Variants in TMEM163 observed in about 807,000 individuals in gnomAD.
TMEM163 encodes the protein transmembrane protein 163.
Under a neutral mutation model 29.3 loss-of-function variants are expected in TMEM163, and 17 were observed. That is an observed-to-expected ratio of 0.58 (90% CI 0.40 to 0.87). The LOEUF is 0.87. TMEM163 is among the 40% of genes least tolerant of loss of function. The probability of loss-of-function intolerance (pLI) is 0.00; values close to 1 mark genes in which losing one functional copy is unlikely to be tolerated. For missense variants in TMEM163, 303 were observed against 381.5 expected (o/e 0.79, Z 1.71); for synonymous variants, 157 against 160.6 (o/e 0.98, Z 0.17).
At chr2:134,470,454 T>A (rs927721533) in intron 5 of TMEM163, among the ~76,000 whole-genome samples, 1 of 152,174 alleles carries the variant, frequency 6.6e-6, no homozygotes, top group Non-Finnish European at 1.5e-5. Flanking sequence ...CTAAGTTTTT[T>A]AATGTAGAGA....
intron 2 of TMEM163, among the ~76,000 whole-genome samples, chr2:134,573,774 T>C (rs1438870147): frequency 6.6e-6 from 1 of 152,242 alleles, no homozygotes; most frequent in Non-Finnish European, 1.5e-5. Flanking sequence ...TTTTAGTTTA[T>C]TTCACTGTTT....
chr2:134,500,704 T>C (rs1223521200), intron 5 of TMEM163, among the ~76,000 whole-genome samples: 1 of 151,762 alleles, frequency 6.6e-6, no homozygotes, highest in Non-Finnish European at 1.5e-5. Flanking sequence ...GGTCATTACG[T>C]TAAGTGAGAT....
rs575938632 is a variant in TMEM163, at chr2:134,610,796, C to T, written c.323-58705G>A. Reference sequence around the variant, plus strand: ...AGCTCCCCTGATGAATCTTTCTGAGCATCCAGGGTGAAGAACACAGCACGA... The same window carrying T: ...AGCTCCCCTGATGAATCTTTCTGAGTATCCAGGGTGAAGAACACAGCACGA... On this transcript the variant is annotated intron_variant, in intron 2 of 7. Coordinates refer to ENST00000281924, the MANE Select transcript of TMEM163 (RefSeq NM_030923.5). Among the ~76,000 whole-genome samples, 7 of 152,268 alleles carry T rather than the reference C, an allele frequency of 4.6e-5. No homozygotes were observed. The East Asian group carries it at 1.4e-3, about 29-fold the overall frequency.
intron 2 of TMEM163, among the ~76,000 whole-genome samples, chr2:134,635,184 G>A (rs1200176570): frequency 6.6e-6 from 1 of 152,172 alleles, no homozygotes; most frequent in South Asian, 2.1e-4. Context: ...CGAAAATTGA[G>A]ACAATTACAG....
In TMEM163 at chr2:134,484,533, G is replaced by T. The variant is rs182991484; in HGVS notation, c.556-18308C>A. 1.8e-4 allele frequency among the ~76,000 whole-genome samples: 28 copies of T among 152,196 alleles called. No homozygotes were observed. The East Asian group carries it at 5.4e-3, about 29-fold the overall frequency. ...GAAATATTTAAAAAAAATTAGCCAG[G>T]CGTGGTGGCATGTGCCTGTAGTCCC... is the stretch of plus-strand genomic sequence containing the variant. On this transcript the variant is annotated intron_variant, in intron 5 of 7. Transcript: ENST00000281924.
intron 2 of TMEM163, among the ~76,000 whole-genome samples, chr2:134,574,100 T>C (rs951586418): frequency 5.3e-5 from 8 of 152,258 alleles, no homozygotes; most frequent in African/African-American, 1.9e-4. Context: ...AAGATAGCAA[T>C]TAGGAATAAG....
At chr2:134,592,050 C>T (rs932510071) in intron 2 of TMEM163, among the ~76,000 whole-genome samples, 3 of 152,042 alleles carry the variant, frequency 2.0e-5, no homozygotes, top group African/African-American at 4.8e-5. Context: ...AAGCAGGCAG[C>T]GAGGGAGAAG....
chr2:134,525,576 C>T (rs2106496859), intron 4 of TMEM163, among the ~76,000 whole-genome samples: 1 of 152,284 alleles, frequency 6.6e-6, no homozygotes, highest in South Asian at 2.1e-4. Context: ...AAGATAGCGC[C>T]TAATGAAGTA....
chr2:134,496,008 G>A (rs1679548209), intron 5 of TMEM163, among the ~76,000 whole-genome samples: 1 of 151,996 alleles, frequency 6.6e-6, no homozygotes, highest in Non-Finnish European at 1.5e-5. Flanking sequence ...ATGAATAGAA[G>A]TCGGTTAGAT....
intron 2 of TMEM163, among the ~76,000 whole-genome samples, chr2:134,643,796 T>C (rs910411210): frequency 1.3e-5 from 2 of 151,834 alleles, no homozygotes; most frequent in Non-Finnish European, 2.9e-5. Context: ...ATAAAAGGCA[T>C]ACAGATAGGA....
intron 4 of TMEM163, among the ~76,000 whole-genome samples, chr2:134,540,527 T>G (rs1344041308): frequency 1.3e-5 from 2 of 152,246 alleles, no homozygotes; most frequent in East Asian, 3.8e-4. Context: ...GCTAGGAAGA[T>G]GCATTTCCAG....
At chr2:134,478,468 C>A (rs1686968438) in intron 5 of TMEM163, among the ~76,000 whole-genome samples, 1 of 152,184 alleles carries the variant, frequency 6.6e-6, no homozygotes, top group Non-Finnish European at 1.5e-5. Flanking sequence ...TTATTGGGAA[C>A]TGGAGTGAAG....
intron 6 of TMEM163, chr2:134,459,277 C>T (rs953375068): frequency 2.6e-5 from 4 of 152,312 alleles, no homozygotes; most frequent in African/African-American, 4.8e-5. Flanking sequence ...GAAGATGAAC[C>T]GCGGACCTGC....
chr2:134,676,147 C>G (rs923403823), intron 2 of TMEM163, among the ~76,000 whole-genome samples: 1 of 152,204 alleles, frequency 6.6e-6, no homozygotes, highest in Admixed American at 6.5e-5. Flanking sequence ...CGACTTGCAG[C>G]ATTTGCCAAT....
At chr2:134,625,259 C>T (rs1479568874) in intron 2 of TMEM163, among the ~76,000 whole-genome samples, 1 of 152,118 alleles carries the variant, frequency 6.6e-6, no homozygotes, top group African/African-American at 2.4e-5. Flanking sequence ...GAAATTTCTC[C>T]TCTTTCTTTT....
At chr2:134,637,326 C>A (rs1273126799) in intron 2 of TMEM163, among the ~76,000 whole-genome samples, 1 of 152,218 alleles carries the variant, frequency 6.6e-6, no homozygotes, top group East Asian at 1.9e-4. Flanking sequence ...ATGGTCCCCA[C>A]TCATACTACA....
At chr2:134,660,045 C>G (rs934440677) in intron 2 of TMEM163, among the ~76,000 whole-genome samples, 3 of 152,134 alleles carry the variant, frequency 2.0e-5, no homozygotes, top group Non-Finnish European at 4.4e-5. Flanking sequence ...AGGGAAGGAG[C>G]CAGCCTTGCC....
chr2:134,523,931 G>A (rs964578814), intron 4 of TMEM163, among the ~76,000 whole-genome samples: 1 of 152,202 alleles, frequency 6.6e-6, no homozygotes, highest in African/African-American at 2.4e-5. Flanking sequence ...ACAGCATCTA[G>A]TGGGTAGAGA....
chr2:134,617,368 T>C (rs1395030202), intron 2 of TMEM163, among the ~76,000 whole-genome samples: 6 of 152,114 alleles, frequency 3.9e-5, no homozygotes, highest in Non-Finnish European at 8.8e-5. Context: ...CCCAGCACTT[T>C]CGGAGGCCGA....
Sources: gnomAD v4.1 joint callset for allele counts (sites outside exome capture counted in the v4.1 genomes callset) on GRCh38, gnomAD v4.1.1 for gene constraint, MANE v1.5 for transcripts, NCBI Gene and HGNC (gene_info 2026-07-23, HGNC 2026-07-21) for gene names.